CSMD1: variants seen among roughly 807,000 people sequenced by gnomAD.
CSMD1 encodes the protein CUB and sushi domain-containing protein 1.
In CSMD1, 213 loss-of-function variants were observed where a neutral mutation model predicts 417.5. The ratio of observed to expected loss-of-function variants is 0.51; its 90% confidence interval spans 0.46 to 0.57. CSMD1 has a LOEUF of 0.57. CSMD1 is among the 20% of genes least tolerant of loss of function. CSMD1 has a pLI of 0.00. For synonymous variants in CSMD1, 2,862 were observed against 1,736.8 expected, an observed-to-expected ratio of 1.65 and a Z score of -16.11; for missense variants, 6,923 against 4,529.7, an observed-to-expected ratio of 1.53 and a Z score of -15.17.
At chr8:4,110,464 A>G (rs1285455905) in intron 3 of CSMD1, among the ~76,000 whole-genome samples, 3 of 152,134 alleles carry the variant, frequency 2.0e-5, no homozygotes, top group African/African-American at 7.2e-5. Flanking sequence ...GATCCCTCTC[A>G]TAAATACTCC....
At chr8:4,431,922 T>A (rs937322437) in intron 2 of CSMD1, among the ~76,000 whole-genome samples, 1 of 152,130 alleles carries the variant, frequency 6.6e-6, no homozygotes, top group Admixed American at 6.5e-5. Context: ...ATTGGGTAAA[T>A]GGGAATTACT....
chr8:3,938,624 C>G (rs562925013), intron 5 of CSMD1, among the ~76,000 whole-genome samples: 35 of 152,218 alleles, frequency 2.3e-4, no homozygotes, highest in African/African-American at 8.2e-4. Context: ...AAGGGCTAGG[C>G]TGCCCCAGCA....
intron 3 of CSMD1, among the ~76,000 whole-genome samples, chr8:4,083,375 G>C (rs915090175): frequency 6.6e-6 from 1 of 152,120 alleles, no homozygotes; most frequent in African/African-American, 2.4e-5. Flanking sequence ...GTGATGGTGA[G>C]CATTTTTTCA....
chr8:4,969,296 T>C (rs957860075), intron 1 of CSMD1, among the ~76,000 whole-genome samples: 2 of 151,984 alleles, frequency 1.3e-5, no homozygotes, highest in Admixed American at 1.3e-4. Flanking sequence ...TAGGGCAAAA[T>C]ATTTTACATA....
intron 10 of CSMD1, among the ~76,000 whole-genome samples, chr8:3,535,792 C>A (rs1396529313): frequency 6.6e-6 from 1 of 152,100 alleles, no homozygotes; most frequent in Non-Finnish European, 1.5e-5. Context: ...TTTGAAAATT[C>A]CCAAGGGCTG....
intron 5 of CSMD1, among the ~76,000 whole-genome samples, chr8:3,776,322 A>G (rs751790669): frequency 6.6e-6 from 1 of 152,138 alleles, no homozygotes; most frequent in Non-Finnish European, 1.5e-5. Context: ...AAATTAGATC[A>G]CATTGCACCT....
At chr8:4,108,051 GAGACAGAGAC>G (rs1563133503) in intron 3 of CSMD1, among the ~76,000 whole-genome samples, 2 of 2,104 alleles carry the variant, frequency 9.5e-4, no homozygotes, top group Admixed American at 7.8e-3. Context: ...AAGAGAGACA[GAGACAGAGAC>G]AGAGACAGAG....
intron 2 of CSMD1, among the ~76,000 whole-genome samples, chr8:4,460,670 G>C (rs534955698): frequency 7.6e-6 from 1 of 131,144 alleles, no homozygotes; most frequent in Non-Finnish European, 1.5e-5. Flanking sequence ...AAGACTGTAA[G>C]AGAATTTTAT....
At chr8:3,746,278 T>C (rs962534249) in intron 6 of CSMD1, among the ~76,000 whole-genome samples, 3 of 152,194 alleles carry the variant, frequency 2.0e-5, no homozygotes, top group Non-Finnish European at 4.4e-5. Context: ...TACGAAGGGA[T>C]TGATAACCTA....
chr8:4,611,427 A>T (rs574180747), intron 2 of CSMD1, among the ~76,000 whole-genome samples: 1 of 152,312 alleles, frequency 6.6e-6, no homozygotes, highest in East Asian at 1.9e-4. Context: ...TTTAAACTCC[A>T]CTGCCATAAA....
chr8:3,929,838 T>G (rs1810018892), intron 5 of CSMD1, among the ~76,000 whole-genome samples: 1 of 149,562 alleles, frequency 6.7e-6, no homozygotes, highest in South Asian at 2.2e-4. Flanking sequence ...ATTTTTGTGT[T>G]TTTAGTAGAG....
intron 6 of CSMD1, among the ~76,000 whole-genome samples, chr8:3,743,107 A>G (rs1796895786): frequency 6.6e-6 from 1 of 152,222 alleles, no homozygotes; most frequent in Non-Finnish European, 1.5e-5. Flanking sequence ...ACAAACCTTT[A>G]AAGGAACTGA....
chr8:4,061,932 A>C (rs1289491716), intron 3 of CSMD1, among the ~76,000 whole-genome samples: 1 of 152,174 alleles, frequency 6.6e-6, no homozygotes, highest in Non-Finnish European at 1.5e-5. Flanking sequence ...ATTACTGACT[A>C]ACGAAAGATT....
chr8:4,090,020 G>T (rs962446211), intron 3 of CSMD1, among the ~76,000 whole-genome samples: 2 of 152,174 alleles, frequency 1.3e-5, no homozygotes, highest in Non-Finnish European at 2.9e-5. Flanking sequence ...GTTTTGTAAA[G>T]GAATTATATT....
rs962707976 is a variant in CSMD1 at position 4,403,116 on chromosome 8, C to A, written c.415+16837G>T. 1.3e-5 allele frequency among the ~76,000 whole-genome samples: 2 copies of A among 152,098 alleles called. 1 individual carries two copies. The highest frequency in any genetic ancestry group is 2.9e-5 in the Non-Finnish European group (2 of 68,020). On this transcript the variant is annotated intron_variant, in intron 3 of 69. Coordinates refer to ENST00000635120, the MANE Select transcript of CSMD1 (RefSeq NM_033225.6). ...AAAGTGCTGGGATTACAGGCGTGAG[C>A]CACTGCCCCCGGCCAAAATGTCCTC...
intron 38 of CSMD1, among the ~76,000 whole-genome samples, chr8:3,161,582 C>T (rs1019415579): frequency 5.5e-5 from 8 of 146,364 alleles, no homozygotes; most frequent in South Asian, 2.2e-4. Flanking sequence ...AAGATCATGC[C>T]GCTGCACTCC....
intron 5 of CSMD1, among the ~76,000 whole-genome samples, chr8:3,975,346 T>G (rs1813361079): frequency 6.6e-6 from 1 of 152,182 alleles, no homozygotes; most frequent in Non-Finnish European, 1.5e-5. Context: ...GGACATGAAC[T>G]GCAATATAAT....
intron 3 of CSMD1, among the ~76,000 whole-genome samples, chr8:4,390,287 G>A (rs1420674967): frequency 1.3e-5 from 2 of 152,032 alleles, no homozygotes; most frequent in African/African-American, 2.4e-5. Context: ...GTCACGAGGA[G>A]CAATCAAGTT....
intron 1 of CSMD1, among the ~76,000 whole-genome samples, chr8:4,854,287 T>C (rs979241443): frequency 1.3e-5 from 2 of 152,100 alleles, no homozygotes; most frequent in South Asian, 2.1e-4. Context: ...GAGACAGGGC[T>C]TGGTAGGAGG....
Sources: gnomAD v4.1 joint callset for allele counts (sites outside exome capture counted in the v4.1 genomes callset) on GRCh38, gnomAD v4.1.1 for gene constraint, MANE v1.5 for transcripts, NCBI Gene and HGNC (gene_info 2026-07-23, HGNC 2026-07-21) for gene names.